The following DLGAP2 variants were observed in gnomAD, a reference collection of about 807,000 sequenced individuals.
DLGAP2 encodes the protein disks large-associated protein 2.
DLGAP2 carries 26 observed loss-of-function variants against 100.3 expected under a neutral mutation model. The ratio of observed to expected loss-of-function variants is 0.26; its 90% CI spans 0.19 to 0.36. The LOEUF (loss-of-function observed/expected upper bound fraction) is 0.36, where lower values mean the gene tolerates loss of function less well. DLGAP2 is among the 10% of genes least tolerant of loss of function. The pLI is 1.00. For missense variants in DLGAP2, 1,858 were observed against 1,453.2 expected (o/e 1.28, Z -4.53); for synonymous variants, 886 against 630.1 (o/e 1.41, Z -6.08).
chr8:744,716 T>C (rs994247127), intron 1 of DLGAP2, among the ~76,000 whole-genome samples: 1 of 147,982 alleles, frequency 6.8e-6, no homozygotes. Flanking sequence ...GCTGTCTGCT[T>C]CCCACGGTCA....
At chr8:1,428,298 C>G (rs1797294360) in intron 3 of DLGAP2, among the ~76,000 whole-genome samples, 1 of 151,702 alleles carries the variant, frequency 6.6e-6, no homozygotes, top group East Asian at 1.9e-4. Flanking sequence ...ATTTAAAAAG[C>G]TAGATAAAAA....
intron 3 of DLGAP2, among the ~76,000 whole-genome samples, chr8:1,339,965 A>G (rs566770202): frequency 3.9e-5 from 6 of 152,230 alleles, no homozygotes; most frequent in Non-Finnish European, 7.3e-5. Context: ...TTAAATGTAC[A>G]TGAGAAAATC....
chr8:1,189,655 C>T (rs891793248), intron 2 of DLGAP2, among the ~76,000 whole-genome samples: 2 of 152,184 alleles, frequency 1.3e-5, no homozygotes, highest in African/African-American at 2.4e-5. Flanking sequence ...TGCCTGGAAA[C>T]GGGATGGATC....
At chr8:1,203,909 G>A (rs1251990075) in intron 2 of DLGAP2, among the ~76,000 whole-genome samples, 1 of 124,832 alleles carries the variant, frequency 8.0e-6, no homozygotes, top group African/African-American at 3.9e-5. Flanking sequence ...GACTCAGCCT[G>A]ACCACCTGTG....
At chr8:1,439,393 C>G (rs547675533) in intron 3 of DLGAP2, among the ~76,000 whole-genome samples, 2 of 152,300 alleles carry the variant, frequency 1.3e-5, no homozygotes, top group East Asian at 1.9e-4. Context: ...GCCGTGTACC[C>G]TGTGCCCTCC....
chr8:1,546,448 G>C (rs1321402243), intron 4 of DLGAP2, among the ~76,000 whole-genome samples: 1 of 152,198 alleles, frequency 6.6e-6, no homozygotes, highest in Non-Finnish European at 1.5e-5. Flanking sequence ...TCATGAAATC[G>C]TATCCCTTCC....
At chr8:1,243,155 G>C (rs11786005) in intron 2 of DLGAP2, among the ~76,000 whole-genome samples, 66,486 of 152,044 alleles carry the variant, frequency 0.44, 16,566 homozygotes, top group Middle Eastern at 0.62. Flanking sequence ...GGGAAAGGCA[G>C]GGCGTGCTCA....
In DLGAP2 at chr8:1,138,817, GTTTA is replaced by G. The variant is rs1178389258; in HGVS notation, c.74-120029_74-120026del. ...GTGCAGCTGGTGGGAAACTCTTCCT[GTTTA>G]TTTACTAGTCCTGGCCTGTGCGGCT... On this transcript the variant is annotated intron_variant, in intron 2 of 14. Coordinates refer to ENST00000637795, the MANE Select transcript of DLGAP2 (RefSeq NM_001346810.2). Among the ~76,000 whole-genome samples the G allele has an allele frequency of 4.8e-4, 73 of 151,714 alleles. 1 individual carries two copies. The highest frequency in any genetic ancestry group is 3.4e-3 in the Middle Eastern group (1 of 294).
intron 2 of DLGAP2, among the ~76,000 whole-genome samples, chr8:1,202,063 G>A (rs532335404): frequency 6.6e-6 from 1 of 152,150 alleles, no homozygotes; most frequent in African/African-American, 2.4e-5. Context: ...TGTGATGTGT[G>A]TGTATGTGTA....
chr8:809,701 C>G (rs1433953222), intron 1 of DLGAP2, among the ~76,000 whole-genome samples: 1 of 152,172 alleles, frequency 6.6e-6, no homozygotes. Flanking sequence ...AGCTCACCTC[C>G]TTTGAGATGA....
chr8:1,150,511 T>C (rs1796680159), intron 2 of DLGAP2, among the ~76,000 whole-genome samples: 2 of 152,216 alleles, frequency 1.3e-5, no homozygotes, highest in South Asian at 4.1e-4. Context: ...CTGTGCCAGA[T>C]TTGTCTTTTA....
chr8:1,117,079 TTG>T (rs1805140932), intron 2 of DLGAP2, among the ~76,000 whole-genome samples: 1 of 152,164 alleles, frequency 6.6e-6, no homozygotes, highest in African/African-American at 2.4e-5. Context: ...TTTTTAAAAT[TTG>T]CTACAGCAAT....
chr8:1,507,759 C>T (rs1004071943), intron 4 of DLGAP2, among the ~76,000 whole-genome samples: 2 of 152,076 alleles, frequency 1.3e-5, no homozygotes, highest in Admixed American at 1.3e-4. Context: ...CCTCAGCCAC[C>T]GAGTCTTCCT....
At chr8:826,612 C>G (rs1796688642) in intron 1 of DLGAP2, among the ~76,000 whole-genome samples, 1 of 151,884 alleles carries the variant, frequency 6.6e-6, no homozygotes, top group Non-Finnish European at 1.5e-5. Flanking sequence ...GCAGAATTAG[C>G]TGGGAGCCCT....
chr8:1,367,471 G>C (rs1476467992), intron 3 of DLGAP2, among the ~76,000 whole-genome samples: 1 of 152,200 alleles, frequency 6.6e-6, no homozygotes, highest in African/African-American at 2.4e-5. Flanking sequence ...TAACTCCCAA[G>C]CCCAGCACGT....
At chr8:1,267,727 C>T (rs1338633433) in intron 3 of DLGAP2, among the ~76,000 whole-genome samples, 5 of 152,036 alleles carry the variant, frequency 3.3e-5, no homozygotes, top group Admixed American at 6.6e-5. Context: ...TCCGTAGCAA[C>T]TCTGTTGGAC....
chr8:833,479 C>T (rs1225702752), intron 1 of DLGAP2, among the ~76,000 whole-genome samples: 9 of 152,134 alleles, frequency 5.9e-5, no homozygotes, highest in Non-Finnish European at 1.3e-4. Context: ...TGGCTTGTGG[C>T]CCCACCTCCA....
chr8:1,029,612 C>A (rs566180580), intron 2 of DLGAP2, among the ~76,000 whole-genome samples: 8 of 131,100 alleles, frequency 6.1e-5, no homozygotes, highest in African/African-American at 2.7e-4. Context: ...CAGGTTCTGG[C>A]AGGATGGCCT....
intron 3 of DLGAP2, among the ~76,000 whole-genome samples, chr8:1,270,933 T>G (rs1799570311): frequency 1.3e-5 from 2 of 152,196 alleles, no homozygotes. Context: ...ACCGTTGACC[T>G]GCTACTTAGT....
Sources: gnomAD v4.1 joint callset for allele counts (sites outside exome capture counted in the v4.1 genomes callset) on GRCh38, gnomAD v4.1.1 for gene constraint, MANE v1.5 for transcripts, NCBI Gene and HGNC (gene_info 2026-07-23, HGNC 2026-07-21) for gene names.